BBX: variants seen among roughly 807,000 people sequenced by gnomAD.
BBX encodes the protein BBX high mobility group box domain containing.
A neutral mutation model predicts 100.2 loss-of-function variants in BBX; 30 were observed. The ratio of observed to expected loss-of-function variants is 0.30; its 90% CI spans 0.22 to 0.41. The LOEUF is 0.41. BBX is among the 10% of genes least tolerant of loss of function. BBX has a pLI of 1.00. For missense variants in BBX, 1,023 were observed against 1,129.8 expected (o/e 0.91, Z 1.35); for synonymous variants, 376 against 388.1 (o/e 0.97, Z 0.37).
intron 2 of BBX, among the ~76,000 whole-genome samples, chr3:107,550,209 G>GA (rs995763130): frequency 1.3e-5 from 2 of 152,072 alleles, no homozygotes; most frequent in Non-Finnish European, 2.9e-5. Context: ...ACCTTAATGA[G>GA]ATAACACAAG....
chr3:107,638,800 CA>C (rs2057019276), intron 2 of BBX, among the ~76,000 whole-genome samples: 1 of 107,518 alleles, frequency 9.3e-6, no homozygotes. Context: ...CACACACACA[CA>C]CACACACACA....
intron 2 of BBX, among the ~76,000 whole-genome samples, chr3:107,631,820 T>G (rs960380809): frequency 1.3e-5 from 2 of 152,226 alleles, no homozygotes; most frequent in African/African-American, 4.8e-5. Flanking sequence ...TTGATTTTAC[T>G]TTTAACCATA....
At chr3:107,724,823 G>C (rs1432942501) in intron 5 of BBX, among the ~76,000 whole-genome samples, 2 of 152,172 alleles carry the variant, frequency 1.3e-5, no homozygotes, top group Non-Finnish European at 2.9e-5. Flanking sequence ...TTGTAGTATA[G>C]TTTGAAGTCA....
At chr3:107,752,807 A>G (rs1251284312) in intron 9 of BBX, among the ~76,000 whole-genome samples, 1 of 152,230 alleles carries the variant, frequency 6.6e-6, no homozygotes, top group African/African-American at 2.4e-5. Flanking sequence ...CCTATGCCGT[A>G]TGGCCCACTA....
intron 17 of BBX, among the ~76,000 whole-genome samples, chr3:107,804,939 A>G (rs1576905202): frequency 1.3e-5 from 2 of 152,258 alleles, no homozygotes; most frequent in Admixed American, 1.3e-4. Flanking sequence ...AAGTCAAGAA[A>G]AGGAATGTGT....
intron 3 of BBX, among the ~76,000 whole-genome samples, chr3:107,669,555 A>G (rs980020518): frequency 1.3e-5 from 2 of 152,202 alleles, no homozygotes; most frequent in African/African-American, 4.8e-5. Context: ...GTTTGATTTC[A>G]GGGAGTGAAA....
Position 107,554,088 on chromosome 3 carries a change from A to G in BBX, c.-84+27690A>G, listed in dbSNP as rs775577823. On this transcript the variant is annotated intron_variant, in intron 2 of 17. Transcript: ENST00000325805. ...TGATTATGATATGCATCAAATGTTG[A>G]TAGGAAATTGAATACGCGTGTAGAG... Among the ~76,000 whole-genome samples the G allele has an allele frequency of 2.0e-5, 3 of 152,180 alleles. No individual in the cohort carries two copies. In the East Asian group the frequency reaches 5.8e-4, roughly 29 times the overall value.
chr3:107,788,823 G>T (rs1409566681), intron 13 of BBX, among the ~76,000 whole-genome samples: 1 of 152,052 alleles, frequency 6.6e-6, no homozygotes, highest in East Asian at 1.9e-4. Flanking sequence ...GAGAGAAACT[G>T]GAGACAGCCT....
chr3:107,707,251 C>G (rs1163170287), intron 3 of BBX, among the ~76,000 whole-genome samples: 3 of 152,222 alleles, frequency 2.0e-5, no homozygotes, highest in Non-Finnish European at 4.4e-5. Flanking sequence ...GGTTCTCAGA[C>G]ATCACATGCC....
In BBX at chr3:107,733,080, T is replaced by G; in HGVS notation, c.669+57T>G. 18 of 1,469,888 alleles carry G rather than the reference T, an allele frequency of 1.2e-5. No individual in the cohort carries two copies. The South Asian group carries it at 2.1e-4, about 17-fold the overall frequency. 91.1% of individuals were successfully genotyped at this position (1,469,888 alleles called of 1,614,324 possible). A position where few individuals can be genotyped will look rare whatever the true frequency, so the allele number is the denominator to read the frequency against. ...TCATACTGTGGGTTGGGAACACAGT[T>G]ATAGTCTGTTTACGTTGTTCATTCT... On this transcript the variant is annotated intron_variant, in intron 7 of 17. Transcript: ENST00000325805.
intron 2 of BBX, among the ~76,000 whole-genome samples, chr3:107,616,557 T>G (rs2055301434): frequency 6.6e-6 from 1 of 152,140 alleles, no homozygotes; most frequent in Non-Finnish European, 1.5e-5. Flanking sequence ...GGTGCTATCG[T>G]TTTTTGTGTG....
intron 17 of BBX, among the ~76,000 whole-genome samples, chr3:107,804,902 T>C (rs2070929704): frequency 6.6e-6 from 1 of 152,090 alleles, no homozygotes; most frequent in African/African-American, 2.4e-5. Flanking sequence ...GGTTACCAAT[T>C]ACTATAGGAG....
At position 107,773,138 on chromosome 3, in the gene BBX, T is replaced by G; in HGVS notation, c.1417T>G (p.Cys473Gly). 3.7e-6 allele frequency: 6 copies of G among 1,614,018 alleles called. No homozygotes were observed. Among genetic ancestry groups the G allele is most frequent in the Non-Finnish European group, 5.1e-6 (6 of 1,179,994 alleles). The change falls in exon 11 of 18, where the codon TGC becomes GGC. Residue 473 changes from cysteine (C) to glycine (G), a missense_variant. By Grantham distance (159) the Cys-to-Gly change is radical (BLOSUM62 -3). Around this residue, in one of 9 missense-constraint regions of BBX, gnomAD observed 348 missense variants for 353.2 expected, o/e 0.99. Coordinates refer to ENST00000325805, the MANE Select transcript of BBX (RefSeq NM_001142568.3). This position sits in a 1 kb window ranked among gnomAD's most constrained non-coding sequence, Gnocchi z 4.1. ...GNDKSTPKKT[C>G]KKRQSSESDI... The stretch of plus-strand genomic sequence containing the variant: ...TGATAAATCCACACCCAAGAAGACT[T>G]GCAAAAAGAGGCAGTCTTCGGAATC...
chr3:107,571,117 G>T (rs1277002913), intron 2 of BBX, among the ~76,000 whole-genome samples: 2 of 152,130 alleles, frequency 1.3e-5, no homozygotes, highest in Admixed American at 6.5e-5. Flanking sequence ...CAGGCTAAGG[G>T]AGAAGAAGGG....
At chr3:107,686,023 G>A (rs2059827328) in intron 3 of BBX, among the ~76,000 whole-genome samples, 1 of 152,114 alleles carries the variant, frequency 6.6e-6, no homozygotes, top group African/African-American at 2.4e-5. Context: ...GGAAAGTGAA[G>A]AAGAAACTAA....
intron 7 of BBX, among the ~76,000 whole-genome samples, chr3:107,740,884 G>GTCCCCTGC (rs2064040287): frequency 6.6e-6 from 1 of 150,512 alleles, no homozygotes; most frequent in African/African-American, 2.5e-5. Flanking sequence ...TTTTGTATAT[G>GTCCCCTGC]ATGTTGCTGT....
chr3:107,545,281 A>G (rs1476273113), intron 2 of BBX, among the ~76,000 whole-genome samples: 1 of 152,216 alleles, frequency 6.6e-6, no homozygotes, highest in African/African-American at 2.4e-5. Flanking sequence ...TATCCCCTTT[A>G]TCCATCATTA....
intron 2 of BBX, among the ~76,000 whole-genome samples, chr3:107,606,143 C>A (rs2054420055): frequency 6.6e-6 from 1 of 152,106 alleles, no homozygotes; most frequent in African/African-American, 2.4e-5. Context: ...GAATGAATAG[C>A]CTAGGGTCAG....
chr3:107,670,047 A>T lies in BBX; in HGVS notation c.-10+24138A>T, dbSNP rs552417009. The stretch of plus-strand genomic sequence containing the variant: ...TATTTTTATATATATTCTTTCATGT[A>T]TATTAGTACACCTGAGTTTGAATCA... On this transcript the variant is annotated intron_variant, in intron 3 of 17. Transcript: ENST00000325805. Among the ~76,000 whole-genome samples the T allele has an allele frequency of 2.0e-5, 3 of 152,250 alleles. No individual in the cohort carries two copies. The South Asian group carries it at 6.2e-4, about 32-fold the overall frequency.
Sources: gnomAD v4.1 joint callset for allele counts (sites outside exome capture counted in the v4.1 genomes callset) on GRCh38, gnomAD v4.1.1 for gene constraint, gnomAD v4.1.1 regional missense constraint, Gnocchi (gnomAD v3.1) non-coding constraint, MANE v1.5 for transcripts, NCBI Gene and HGNC (gene_info 2026-07-23, HGNC 2026-07-21) for gene names.